The following TLK2 variants were observed in gnomAD, a reference collection of about 807,000 sequenced individuals.
The protein encoded by TLK2 is tousled like kinase 2, also known as serine/threonine-protein kinase tousled-like 2.
TLK2 carries 6 observed loss-of-function variants against 117.3 expected under a neutral mutation model. That is an observed-to-expected ratio of 0.05 (90% CI 0.03 to 0.10). TLK2 has a LOEUF of 0.10. Ranked by LOEUF, TLK2 falls within the 10% of genes least tolerant of loss-of-function variation. TLK2 has a pLI of 1.00. For missense variants in TLK2, 299 were observed against 901.2 expected (o/e 0.33, Z 8.56); for synonymous variants, 257 against 316.7 (o/e 0.81, Z 2.00).
chr17:62,554,948 G>A (rs1232379000), intron 9 of TLK2, among the ~76,000 whole-genome samples: 1 of 149,868 alleles, frequency 6.7e-6, no homozygotes. Context: ...TCCATTAATT[G>A]GGATTAAACA....
intron 20 of TLK2, among the ~76,000 whole-genome samples, chr17:62,606,525 G>A (rs1316196765): frequency 6.6e-6 from 1 of 152,188 alleles, no homozygotes; most frequent in Non-Finnish European, 1.5e-5. Flanking sequence ...CTGATAGTGT[G>A]TATAGGGATT....
At chr17:62,473,217 C>T (rs1311613136) in intron 1 of TLK2, among the ~76,000 whole-genome samples, 1 of 152,134 alleles carries the variant, frequency 6.6e-6, no homozygotes, top group Non-Finnish European at 1.5e-5. Flanking sequence ...GGGCATAGTC[C>T]AGCCCAAGCT....
chr17:62,594,272 C>T (rs1598826475), intron 16 of TLK2, among the ~76,000 whole-genome samples: 1 of 151,932 alleles, frequency 6.6e-6, no homozygotes, highest in East Asian at 2.0e-4. Context: ...GCTGGGCGTG[C>T]TGGGATGTGC....
chr17:62,556,226 T>C (rs773054476), intron 9 of TLK2, among the ~76,000 whole-genome samples: 8 of 152,220 alleles, frequency 5.3e-5, no homozygotes, highest in Non-Finnish European at 8.8e-5. Context: ...ATATTATTAT[T>C]GTTAAATTAC....
chr17:62,588,988 G>A (rs1051067414), intron 16 of TLK2, among the ~76,000 whole-genome samples: 2 of 152,164 alleles, frequency 1.3e-5, no homozygotes, highest in Non-Finnish European at 2.9e-5. Context: ...CATTCATGGG[G>A]ATGACTTCCC....
chr17:62,552,474 T>C (rs1020709441), intron 8 of TLK2, 77 bp downstream of exon 8: 10 of 1,600,994 alleles, frequency 6.2e-6, no homozygotes, highest in Non-Finnish European at 8.5e-6. Flanking sequence ...TAGTCTGTCA[T>C]TCTTCTCTGA....
At chr17:62,578,596 T>A (rs746865935) in intron 14 of TLK2, 22 bp downstream of exon 14, 1 of 1,575,208 alleles carries the variant, frequency 6.3e-7, no homozygotes, top group South Asian at 1.1e-5. Context: ...CAGGGCATAT[T>A]GGGTTGGAGA....
intron 11 of TLK2, among the ~76,000 whole-genome samples, chr17:62,572,176 C>CAA (rs111925931): frequency 2.7e-3 from 147 of 54,528 alleles, no homozygotes; most frequent in African/African-American, 8.6e-3. Flanking sequence ...GGCTCTGTCT[C>CAA]AAAAAAAAAA....
intron 7 of TLK2, among the ~76,000 whole-genome samples, chr17:62,542,976 T>C (rs2077645731): frequency 6.6e-6 from 1 of 152,254 alleles, no homozygotes; most frequent in Non-Finnish European, 1.5e-5. Flanking sequence ...ACATGTCTAT[T>C]AGCATCTATA....
chr17:62,478,553 G>C (rs2071191111), upstream of TLK2, among the ~76,000 whole-genome samples: 1 of 150,084 alleles, frequency 6.7e-6, no homozygotes, highest in African/African-American at 2.4e-5. Context: ...CCGTCAGCCG[G>C]CGCCGCCCGT....
chr17:62,573,454 T>G, intron 12 of TLK2, 87 bp downstream of exon 12: 2 of 1,539,252 alleles, frequency 1.3e-6, no homozygotes, highest in Non-Finnish European at 1.8e-6. Flanking sequence ...AGTTTTAAAT[T>G]CTTGAGGTCA....
intron 3 of TLK2, 78 bp downstream of exon 3, chr17:62,520,922 C>T: frequency 6.5e-7 from 1 of 1,534,108 alleles, no homozygotes; most frequent in Non-Finnish European, 9.0e-7. Context: ...GCTGTAATCC[C>T]AGCACTTTGG....
chr17:62,612,319 TAGAG>T (rs1016850593), intron 21 of TLK2, 69 bp from the exon 22 acceptor site: 2 of 1,507,156 alleles, frequency 1.3e-6, no homozygotes, highest in Admixed American at 2.1e-5. Flanking sequence ...TGGCAGCCGA[TAGAG>T]AGCCTTAGGG....
chr17:62,476,298 C>T (rs1251182772), upstream of TLK2, among the ~76,000 whole-genome samples: 1 of 151,896 alleles, frequency 6.6e-6, no homozygotes. Flanking sequence ...AAAATGGGAT[C>T]ATCGGCCAGG....
intron 19 of TLK2, among the ~76,000 whole-genome samples, chr17:62,604,899 T>C (rs1166509258): frequency 1.3e-5 from 2 of 152,186 alleles, no homozygotes; most frequent in Non-Finnish European, 2.9e-5. Flanking sequence ...AACTTATTTT[T>C]CTGCATTTGG....
chr17:62,481,027 T>C, intron 1 of TLK2, 94 bp from the exon 2 acceptor site: 2 of 1,155,798 alleles, frequency 1.7e-6, no homozygotes, highest in Non-Finnish European at 2.5e-6. Flanking sequence ...ATTTGATCTT[T>C]CAGTGAAATA....
intron 10 of TLK2, among the ~76,000 whole-genome samples, chr17:62,563,867 G>A (rs2079506082): frequency 6.6e-6 from 1 of 152,168 alleles, no homozygotes; most frequent in South Asian, 2.1e-4. Flanking sequence ...GAATTCTGCA[G>A]GGAGGCAGAT....
At chr17:62,488,232 G>T (rs1342924511) in intron 2 of TLK2, among the ~76,000 whole-genome samples, 3 of 152,158 alleles carry the variant, frequency 2.0e-5, no homozygotes, top group Non-Finnish European at 4.4e-5. Flanking sequence ...CCGTGCCCGG[G>T]CCAAGGAACT....
intron 10 of TLK2, among the ~76,000 whole-genome samples, chr17:62,562,761 A>G (rs1034730554): frequency 1.3e-5 from 2 of 152,206 alleles, no homozygotes; most frequent in African/African-American, 4.8e-5. Flanking sequence ...TTTCTATTTG[A>G]GATAAATATG....
Sources: allele counts gnomAD v4.1 joint callset (sites outside exome capture counted in the v4.1 genomes callset), GRCh38; gene constraint gnomAD v4.1.1; transcripts MANE v1.5; gene names NCBI Gene and HGNC (gene_info 2026-07-23, HGNC 2026-07-21).